The following GRM8 variants were observed in gnomAD, a reference collection of about 807,000 sequenced individuals.
GRM8 encodes the protein metabotropic glutamate receptor 8.
GRM8 carries 47 observed loss-of-function variants against 87.2 expected under a neutral mutation model. The observed-to-expected ratio is 0.54, with a 90% CI of 0.43 to 0.69. GRM8 has a LOEUF of 0.69. Ranked by LOEUF, GRM8 falls within the 30% of genes least tolerant of loss-of-function variation. The probability of loss-of-function intolerance (pLI) is 0.00; values close to 1 mark genes in which losing one functional copy is unlikely to be tolerated. For missense variants in GRM8, 1,019 were observed against 1,139.2 expected (o/e 0.89, Z 1.52); for synonymous variants, 396 against 404.5 (o/e 0.98, Z 0.25).
intron 3 of GRM8, among the ~76,000 whole-genome samples, chr7:127,065,612 C>A (rs926323313): frequency 3.3e-5 from 5 of 152,066 alleles, no homozygotes; most frequent in Admixed American, 3.3e-4. Context: ...GAGTGTTGGG[C>A]TACTGACAAA....
rs548455921 is a variant in GRM8, at chr7:126,566,565, T to C, written c.1495-32678A>G. On this transcript the variant is annotated intron_variant, in intron 8 of 10. Transcript: ENST00000339582. ...CAAGCATATGGAGAAACTGGAACCC[T>C]TGCACACTGTTGGTGGAAATGAGGA... is the stretch of plus-strand genomic sequence containing the variant. Among the ~76,000 whole-genome samples, 181 of 152,262 alleles carry C rather than the reference T, an allele frequency of 1.2e-3. 1 individual carries two copies. Among genetic ancestry groups the C allele is most frequent in the Non-Finnish European group, 9.0e-4 (61 of 68,014 alleles).
chr7:127,072,936 T>G (rs192470833), intron 3 of GRM8, among the ~76,000 whole-genome samples: 1 of 151,930 alleles, frequency 6.6e-6, no homozygotes, highest in African/African-American at 2.4e-5. Context: ...CACCTCTCTT[T>G]CTTTTTTTTT....
In GRM8 at chr7:126,992,829, ATGTGTG is replaced by A. The variant is rs536291684; in HGVS notation, c.728-88152_728-88147del. On this transcript the variant is annotated intron_variant, in intron 3 of 10. Transcript: ENST00000339582. ...TCCGTGTGTGTGTGTGTGTGTGTGT[ATGTGTG>A]TGTGTGTGTGTGTGTGTGTACACAA... 2.7e-3 allele frequency among the ~76,000 whole-genome samples: 377 copies of A among 137,720 alleles called. 2 individuals carry two copies. The highest frequency in any genetic ancestry group is 0.025 in the Middle Eastern group (7 of 278). 90.3% of individuals were successfully genotyped at this position (137,720 alleles called of 152,430 possible). A position where few individuals can be genotyped will look rare whatever the true frequency, so the allele number is the denominator to read the frequency against.
chr7:126,622,885 C>T (rs150018416), intron 7 of GRM8, among the ~76,000 whole-genome samples: 38 of 152,282 alleles, frequency 2.5e-4, no homozygotes, highest in African/African-American at 7.9e-4. Flanking sequence ...CTCATTCCTC[C>T]ACTGATGAGT....
chr7:127,195,367 T>C (rs1286204768), intron 2 of GRM8, among the ~76,000 whole-genome samples: 1 of 152,140 alleles, frequency 6.6e-6, no homozygotes. Flanking sequence ...AGTCTAGATA[T>C]TGTTATGACT....
intron 6 of GRM8, among the ~76,000 whole-genome samples, chr7:126,895,213 C>A (rs1210000795): frequency 6.6e-6 from 1 of 152,040 alleles, no homozygotes; most frequent in Non-Finnish European, 1.5e-5. Context: ...CTACTGATTG[C>A]ATGTTTTTGC....
intron 7 of GRM8, among the ~76,000 whole-genome samples, chr7:126,671,843 A>C (rs1485611323): frequency 6.6e-6 from 1 of 152,228 alleles, no homozygotes; most frequent in African/African-American, 2.4e-5. Flanking sequence ...GTGTGTCACA[A>C]GACATCCATT....
intron 8 of GRM8, among the ~76,000 whole-genome samples, chr7:126,580,592 G>A (rs182631291): frequency 2.6e-5 from 4 of 152,198 alleles, no homozygotes; most frequent in Admixed American, 1.3e-4. Flanking sequence ...CTGAAAGCAC[G>A]AACATTGGCA....
intron 6 of GRM8, among the ~76,000 whole-genome samples, chr7:126,901,788 A>T (rs1374965535): frequency 1.3e-5 from 2 of 152,170 alleles, no homozygotes; most frequent in African/African-American, 4.8e-5. Flanking sequence ...TATATGTTGT[A>T]TGTTTTTGAT....
At chr7:126,791,505 G>GGGT (rs1335754768) in intron 6 of GRM8, among the ~76,000 whole-genome samples, 3 of 152,114 alleles carry the variant, frequency 2.0e-5, no homozygotes, top group Non-Finnish European at 1.5e-5. Flanking sequence ...CTCACACTCT[G>GGGT]GGTTCTGCAC....
At chr7:126,449,086 C>T (rs1178260710) in intron 9 of GRM8, among the ~76,000 whole-genome samples, 3 of 151,858 alleles carry the variant, frequency 2.0e-5, no homozygotes, top group African/African-American at 7.2e-5. Context: ...CACAACCTTA[C>T]AGTGGCCTAG....
At chr7:126,888,789 G>A (rs918344475) in intron 6 of GRM8, among the ~76,000 whole-genome samples, 1 of 152,056 alleles carries the variant, frequency 6.6e-6, no homozygotes, top group Non-Finnish European at 1.5e-5. Flanking sequence ...GGAAAGCTTT[G>A]TTGTGCATGA....
chr7:126,499,461 TA>T (rs1809308022), intron 9 of GRM8, among the ~76,000 whole-genome samples: 1 of 151,660 alleles, frequency 6.6e-6, no homozygotes, highest in Non-Finnish European at 1.5e-5. Flanking sequence ...ATCTTACTAC[TA>T]GGTATAGACC....
intron 7 of GRM8, among the ~76,000 whole-genome samples, chr7:126,642,154 C>A (rs908108320): frequency 6.6e-6 from 1 of 152,154 alleles, no homozygotes; most frequent in Non-Finnish European, 1.5e-5. Context: ...GTCTAAAGAA[C>A]ACATTTCCTA....
At position 126,533,224 on chromosome 7, in the gene GRM8, G is replaced by C; in HGVS notation, c.2158C>G (p.His720Asp). 13 of 1,612,416 alleles carry C rather than the reference G, an allele frequency of 8.1e-6. No homozygotes were observed. Among genetic ancestry groups the C allele is most frequent in the South Asian group, 3.3e-5 (3 of 90,920 alleles). The change falls in exon 9 of 11, where the codon CAC becomes GAC. Residue 720 changes from histidine (H) to aspartate (D), a missense_variant. Coordinates refer to ENST00000339582, the MANE Select transcript of GRM8 (RefSeq NM_000845.3). ...VFVWFVVDPP[H>D]IIIDYGEQRT... ...TGCTCTCCATAGTCAATGATGATGTGGGGGGGATCCACAACAAACCAGACA... is the reference window on the plus strand; with the variant it reads ...TGCTCTCCATAGTCAATGATGATGTCGGGGGGATCCACAACAAACCAGACA...
At chr7:126,833,866 T>G (rs2130466482) in intron 6 of GRM8, among the ~76,000 whole-genome samples, 1 of 152,270 alleles carries the variant, frequency 6.6e-6, no homozygotes, top group African/African-American at 2.4e-5. Context: ...TCCTTCAACA[T>G]TTGTGATTCT....
chr7:126,658,907 G>A (rs1194682856), intron 7 of GRM8, among the ~76,000 whole-genome samples: 3 of 152,032 alleles, frequency 2.0e-5, no homozygotes, highest in African/African-American at 7.2e-5. Context: ...CATCAAGGAG[G>A]ATGCCGTAAA....
chr7:127,050,796 C>T (rs1471257001), intron 3 of GRM8, among the ~76,000 whole-genome samples: 1 of 152,140 alleles, frequency 6.6e-6, no homozygotes, highest in Admixed American at 6.5e-5. Context: ...TGGTGGTAGA[C>T]CTATTGATTA....
chr7:126,936,714 T>C (rs146377321), intron 3 of GRM8, among the ~76,000 whole-genome samples: 281 of 152,230 alleles, frequency 1.8e-3, no homozygotes, highest in African/African-American at 6.3e-3. Flanking sequence ...GTGAGCAGGA[T>C]TGTGGGAGCC....
Sources: allele counts gnomAD v4.1 joint callset (sites outside exome capture counted in the v4.1 genomes callset), GRCh38; gene constraint gnomAD v4.1.1; transcripts MANE v1.5; gene names NCBI Gene and HGNC (gene_info 2026-07-23, HGNC 2026-07-21).